Variants in HS6ST3 observed in about 807,000 individuals in gnomAD.
HS6ST3 encodes the protein heparan-sulfate 6-O-sulfotransferase 3.
A neutral mutation model predicts 36.7 loss-of-function variants in HS6ST3; 12 were observed. The observed-to-expected ratio is 0.33, with a 90% CI of 0.21 to 0.53. The LOEUF is 0.53. HS6ST3 is among the 20% of genes least tolerant of loss of function. The pLI, the probability that HS6ST3 is intolerant of heterozygous loss-of-function variation, is 0.95. For synonymous variants in HS6ST3, 240 were observed against 257.5 expected (o/e 0.93, Z 0.65); for missense variants, 584 against 640.9 (o/e 0.91, Z 0.96).
At chr13:96,274,839 TCACA>T (rs60430769) in intron 1 of HS6ST3, among the ~76,000 whole-genome samples, 9,529 of 125,688 alleles carry the variant, frequency 0.076, 296 homozygotes, top group East Asian at 0.095. Flanking sequence ...ACTTAGTCCT[TCACA>T]CACACACACA....
chr13:96,121,865 G>C (rs941246070), intron 1 of HS6ST3, among the ~76,000 whole-genome samples: 1 of 151,940 alleles, frequency 6.6e-6, no homozygotes, highest in Non-Finnish European at 1.5e-5. Context: ...ACTAATTATT[G>C]CTTTATATAC....
chr13:96,357,823 A>C (rs1424811687), intron 1 of HS6ST3, among the ~76,000 whole-genome samples: 2 of 152,204 alleles, frequency 1.3e-5, no homozygotes, highest in Non-Finnish European at 1.5e-5. Context: ...CAGCTGGCCA[A>C]GTTCACCATC....
chr13:96,486,359 G>T (rs979065245), intron 1 of HS6ST3, among the ~76,000 whole-genome samples: 3 of 152,046 alleles, frequency 2.0e-5, no homozygotes, highest in Non-Finnish European at 4.4e-5. Flanking sequence ...AGCATGTTTT[G>T]TAATCCTTTG....
chr13:96,767,626 C>T (rs1320255334), intron 1 of HS6ST3, among the ~76,000 whole-genome samples: 3 of 152,142 alleles, frequency 2.0e-5, no homozygotes, highest in African/African-American at 7.2e-5. Flanking sequence ...GTGGCAAATA[C>T]AGAATTTGAC....
At chr13:96,438,316 T>A (rs2055652975) in intron 1 of HS6ST3, among the ~76,000 whole-genome samples, 1 of 152,240 alleles carries the variant, frequency 6.6e-6, no homozygotes, top group African/African-American at 2.4e-5. Flanking sequence ...TTTAACCATA[T>A]TCTGATGAAA....
chr13:96,579,171 C>A (rs2056332812), intron 1 of HS6ST3, among the ~76,000 whole-genome samples: 1 of 151,790 alleles, frequency 6.6e-6, no homozygotes, highest in Non-Finnish European at 1.5e-5. Context: ...CAAAATAAGT[C>A]CTGGGTTTTA....
chr13:96,315,239 TA>T (rs1174708284), intron 1 of HS6ST3, among the ~76,000 whole-genome samples: 40 of 152,198 alleles, frequency 2.6e-4, no homozygotes, highest in African/African-American at 9.4e-4. Flanking sequence ...TGACAACTGA[TA>T]TTGGTTGGTT....
At chr13:96,741,586 A>G (rs1309289748) in intron 1 of HS6ST3, among the ~76,000 whole-genome samples, 1 of 152,162 alleles carries the variant, frequency 6.6e-6, no homozygotes, top group African/African-American at 2.4e-5. Context: ...TCCAAAGGTA[A>G]TCATGCTTAG....
intron 1 of HS6ST3, among the ~76,000 whole-genome samples, chr13:96,542,322 G>A (rs932532996): frequency 6.6e-6 from 1 of 152,186 alleles, no homozygotes; most frequent in Non-Finnish European, 1.5e-5. Context: ...CTGGTGGGTA[G>A]GGAGAAATTG....
intron 1 of HS6ST3, among the ~76,000 whole-genome samples, chr13:96,534,640 G>T (rs922861991): frequency 6.6e-6 from 1 of 152,136 alleles, no homozygotes; most frequent in Non-Finnish European, 1.5e-5. Flanking sequence ...AGAAGACAAG[G>T]AAAAAGCCAC....
chr13:96,499,709 G>T (rs145592110), intron 1 of HS6ST3, among the ~76,000 whole-genome samples: 370 of 152,250 alleles, frequency 2.4e-3, no homozygotes, highest in Non-Finnish European at 3.9e-3. Context: ...GCATGAGCGT[G>T]TGTGACCTGT....
intron 1 of HS6ST3, among the ~76,000 whole-genome samples, chr13:96,598,550 A>G (rs1323409748): frequency 6.6e-6 from 1 of 152,102 alleles, no homozygotes; most frequent in Admixed American, 6.6e-5. Context: ...TACTGAGTTC[A>G]TTTATGAAAT....
chr13:96,584,723 A>T lies in HS6ST3; in HGVS notation c.708-247767A>T, dbSNP rs115510516. ...AGAGCAGCCTTGAGCTCCTGGAGAAATGTAATAAAAATTTCAGGCCCTACA... is the reference window on the plus strand; with the variant it reads ...AGAGCAGCCTTGAGCTCCTGGAGAATTGTAATAAAAATTTCAGGCCCTACA... On this transcript the variant is annotated intron_variant, in intron 1 of 1. Transcript: ENST00000376705. Among the ~76,000 whole-genome samples, 882 of 152,318 alleles carry T rather than the reference A, an allele frequency of 5.8e-3. 5 individuals carry two copies. Among genetic ancestry groups the T allele is most frequent in the African/African-American group, 0.02 (833 of 41,576 alleles).
intron 1 of HS6ST3, among the ~76,000 whole-genome samples, chr13:96,424,572 G>C (rs540483368): frequency 6.6e-6 from 1 of 152,292 alleles, no homozygotes; most frequent in Non-Finnish European, 1.5e-5. Flanking sequence ...GGAAGTCCAA[G>C]ATGGAGGTGC....
At chr13:96,263,940 A>T (rs1473335012) in intron 1 of HS6ST3, among the ~76,000 whole-genome samples, 2 of 152,322 alleles carry the variant, frequency 1.3e-5, no homozygotes, top group East Asian at 3.9e-4. Context: ...TGGCAGCCAC[A>T]TGCCTGTTCT....
At chr13:96,424,996 G>C (rs1474076956) in intron 1 of HS6ST3, among the ~76,000 whole-genome samples, 1 of 152,038 alleles carries the variant, frequency 6.6e-6, no homozygotes, top group African/African-American at 2.4e-5. Context: ...CAGATTTTTG[G>C]GGGGATAAAG....
intron 1 of HS6ST3, among the ~76,000 whole-genome samples, chr13:96,637,833 G>T (rs1031693399): frequency 3.3e-5 from 5 of 151,972 alleles, no homozygotes; most frequent in African/African-American, 1.2e-4. Flanking sequence ...TTAAAATTTT[G>T]TCTTTGTTTT....
intron 1 of HS6ST3, among the ~76,000 whole-genome samples, chr13:96,115,387 G>A (rs963944281): frequency 1.3e-5 from 2 of 151,998 alleles, no homozygotes; most frequent in African/African-American, 4.8e-5. Flanking sequence ...CATTCTCTAA[G>A]TTTCCTCCCC....
intron 1 of HS6ST3, among the ~76,000 whole-genome samples, chr13:96,680,803 A>G (rs1316129517): frequency 6.6e-6 from 1 of 152,204 alleles, no homozygotes; most frequent in Admixed American, 6.5e-5. Context: ...TATACTTCAT[A>G]AAAAGTCATT....
Sources: allele counts gnomAD v4.1 joint callset (sites outside exome capture counted in the v4.1 genomes callset), GRCh38; gene constraint gnomAD v4.1.1; transcripts MANE v1.5; gene names NCBI Gene and HGNC (gene_info 2026-07-23, HGNC 2026-07-21).